The following JAK2 variants were observed in gnomAD, a reference collection of about 807,000 sequenced individuals.
The protein encoded by JAK2 is tyrosine-protein kinase JAK2.
JAK2 carries 86 observed loss-of-function variants against 139.3 expected under a neutral mutation model. The observed-to-expected ratio is 0.62, with a 90% confidence interval of 0.52 to 0.74. The LOEUF is 0.74. Ranked by LOEUF, JAK2 falls within the 30% of genes least tolerant of loss-of-function variation. The probability of loss-of-function intolerance (pLI) is 0.00; values close to 1 mark genes in which losing one functional copy is unlikely to be tolerated. For synonymous variants in JAK2, 490 were observed against 437.7 expected, an observed-to-expected ratio of 1.12 and a Z score of -1.49; for missense variants, 1,421 against 1,360.3, an observed-to-expected ratio of 1.04 and a Z score of -0.70.
intron 22 of JAK2, 44 bp from the exon 23 acceptor site, chr9:5,122,960 C>T: frequency 8.2e-7 from 1 of 1,223,942 alleles, no homozygotes. Flanking sequence ...CAAGAGTCCA[C>T]ATATCAAGTA....
chr9:5,014,312 A>G (rs74743090), intron 2 of JAK2, among the ~76,000 whole-genome samples: 1 of 150,860 alleles, frequency 6.6e-6, no homozygotes, highest in African/African-American at 2.4e-5. Flanking sequence ...CCTCTTATTT[A>G]CTCTTTATTC....
At chr9:4,986,892 T>A (rs1819976560) in intron 2 of JAK2, among the ~76,000 whole-genome samples, 1 of 152,210 alleles carries the variant, frequency 6.6e-6, no homozygotes, top group Non-Finnish European at 1.5e-5. Context: ...TGTAGCATCA[T>A]GTTGGTGCTC....
At chr9:5,101,511 C>A (rs185329694) in intron 22 of JAK2, among the ~76,000 whole-genome samples, 291 of 152,378 alleles carry the variant, frequency 1.9e-3, no homozygotes, top group Non-Finnish European at 1.6e-3. Context: ...TGTCTGACAG[C>A]TCTGAAGAGA....
chr9:5,124,570 T>G (rs147906148), intron 23 of JAK2, among the ~76,000 whole-genome samples: 1 of 151,700 alleles, frequency 6.6e-6, no homozygotes, highest in African/African-American at 2.4e-5. Context: ...CTAAAATTCA[T>G]AGGGAACCAA....
intron 22 of JAK2, among the ~76,000 whole-genome samples, chr9:5,117,201 G>A (rs1211404325): frequency 1.3e-5 from 2 of 152,182 alleles, no homozygotes; most frequent in Non-Finnish European, 2.9e-5. Flanking sequence ...AGAAGTATGA[G>A]AAATAAATTT....
At chr9:5,109,146 G>A (rs530518757) in intron 22 of JAK2, 1 of 151,940 alleles carries the variant, frequency 6.6e-6, no homozygotes, top group African/African-American at 2.4e-5. Flanking sequence ...CTCCCTACAT[G>A]TACCAATCAC....
rs1248353044 is a variant in JAK2 at position 5,072,272 on chromosome 9, A to G, written c.1642-220A>G. Among the ~76,000 whole-genome samples the G allele has an allele frequency of 2.0e-5, 3 of 152,324 alleles. No homozygotes were observed. The East Asian group carries it at 5.8e-4, about 29-fold the overall frequency. On this transcript the variant is annotated intron_variant, in intron 12 of 24. Transcript: ENST00000381652. Reference sequence around the variant, plus strand: ...GGAGATTTCAAAACCGAGTAGAGCCAAAATACACTTAATTCATTAATCCTT... The same window carrying G: ...GGAGATTTCAAAACCGAGTAGAGCCGAAATACACTTAATTCATTAATCCTT...
intron 2 of JAK2, among the ~76,000 whole-genome samples, chr9:5,006,202 T>A (rs867553355): frequency 2.0e-4 from 30 of 152,170 alleles, no homozygotes; most frequent in Middle Eastern, 3.2e-3. Flanking sequence ...CTTGAAGAGG[T>A]CCTTCACATC....
rs1183227511 is a variant in JAK2 at position 5,022,183 on chromosome 9, G to C, written c.196G>C (p.Glu66Gln). 6.2e-7 allele frequency: 1 copy of C among 1,614,046 alleles called. No homozygotes were observed. Among genetic ancestry groups the C allele is most frequent in the Non-Finnish European group, 8.5e-7 (1 of 1,179,912 alleles). Residue 66 changes from glutamate to glutamine, a missense_variant, in exon 3 of 25, where the codon GAA (glutamate) becomes CAA (glutamine). Transcript: ENST00000381652. ...TCCATCTGGGGAGTATGTTGCAGAA[G>C]AAATCTGTATTGCTGCTTCTAAAGC... ...TFPSGEYVAE[E>Q]ICIAASKACG...
At chr9:5,033,580 A>G (rs566681694) in intron 4 of JAK2, among the ~76,000 whole-genome samples, 7 of 152,364 alleles carry the variant, frequency 4.6e-5, no homozygotes, top group African/African-American at 1.7e-4. Context: ...AGTGGGGGCC[A>G]ATATTCAACA....
chr9:5,040,972 G>A (rs1410841514), intron 4 of JAK2: 2 of 581,776 alleles, frequency 3.4e-6, no homozygotes, highest in South Asian at 1.6e-5. Flanking sequence ...AAACAAATAT[G>A]TGGCTATCAA....
rs1264411166 is a variant in JAK2 at position 5,128,246 on chromosome 9, G to A, written c.*1455G>A. ...TGAAGACTTCTGATTTTGGGTTGAA[G>A]GGAAGGAAAAGGAAGAAATGTTTTT... On this transcript the variant is annotated 3_prime_UTR_variant, in exon 25 of 25. Coordinates refer to ENST00000381652, the MANE Select transcript of JAK2 (RefSeq NM_004972.4). 4.3e-6 allele frequency: 1 copy of A among 230,572 alleles called. No individual in the cohort carries two copies. The highest frequency in any genetic ancestry group is 8.6e-6 in the Non-Finnish European group (1 of 116,408). 14.3% of individuals were successfully genotyped at this position (230,572 alleles called of 1,614,324 possible).
chr9:5,044,231 A>G (rs1054742955), intron 4 of JAK2, among the ~76,000 whole-genome samples, 172 bp from the exon 5 acceptor site: 1 of 152,344 alleles, frequency 6.6e-6, no homozygotes, highest in East Asian at 1.9e-4. Flanking sequence ...CTTTCTGCCT[A>G]TATTAGTGTT....
chr9:5,004,697 C>A lies in JAK2; in HGVS notation c.-25-17266C>A, dbSNP rs932586175. Among the ~76,000 whole-genome samples, 12 of 152,028 alleles carry A rather than the reference C, an allele frequency of 7.9e-5. 1 individual carries two copies. Among genetic ancestry groups the A allele is most frequent in the Admixed American group, 3.3e-4 (5 of 15,264 alleles). On this transcript the variant is annotated intron_variant, in intron 2 of 24. Coordinates refer to ENST00000381652, the MANE Select transcript of JAK2 (RefSeq NM_004972.4). ...AGTTCCATTTTAATTTTTTGAGGAA[C>A]CTCCATTCATTTTCCATAGTGACTG...
intron 20 of JAK2, 100 bp downstream of exon 20, chr9:5,089,963 T>A: frequency 1.4e-6 from 1 of 711,720 alleles, no homozygotes; most frequent in Non-Finnish European, 2.0e-6. Context: ...CTTATGCCAA[T>A]GCCCAGAGGG....
At chr9:5,091,048 T>A in intron 22 of JAK2, 137 bp downstream of exon 22, 1 of 646,638 alleles carries the variant, frequency 1.5e-6, no homozygotes, top group Non-Finnish European at 2.6e-6. Flanking sequence ...CATTTAACTT[T>A]TTTTTTTTAG....
intron 22 of JAK2, among the ~76,000 whole-genome samples, chr9:5,121,505 C>T (rs1368942432): frequency 2.6e-5 from 4 of 152,114 alleles, no homozygotes; most frequent in Non-Finnish European, 5.9e-5. Flanking sequence ...TGGAAGGAGG[C>T]TCCTGCTGAA....
intron 19 of JAK2, chr9:5,085,752 G>C: frequency 1.3e-6 from 1 of 754,962 alleles, no homozygotes; most frequent in Non-Finnish European, 2.5e-6. Context: ...GCGCTGGCTA[G>C]CTTGCACATG....
rs951923677 is a variant in JAK2, at chr9:5,034,601, A to G, written c.350+4695A>G. 1.6e-3 allele frequency among the ~76,000 whole-genome samples: 237 copies of G among 152,160 alleles called. 3 individuals are homozygous for G. Among genetic ancestry groups the G allele is most frequent in the Non-Finnish European group, 2.0e-3 (135 of 68,026 alleles). Reference sequence around the variant, plus strand: ...TAAGAAACTCACTCAAAACCACTCAACTACATGGAAACTGAACAACCTGCT... The same window carrying G: ...TAAGAAACTCACTCAAAACCACTCAGCTACATGGAAACTGAACAACCTGCT... On this transcript the variant is annotated intron_variant, in intron 4 of 24. Coordinates refer to ENST00000381652, the MANE Select transcript of JAK2 (RefSeq NM_004972.4).
Sources: gnomAD v4.1 joint callset for allele counts (sites outside exome capture counted in the v4.1 genomes callset) on GRCh38, gnomAD v4.1.1 for gene constraint, MANE v1.5 for transcripts, NCBI Gene and HGNC (gene_info 2026-07-23, HGNC 2026-07-21) for gene names.